Variants in COL23A1 observed in about 807,000 individuals in gnomAD.
The protein encoded by COL23A1 is collagen type XXIII alpha 1 chain.
A neutral mutation model predicts 99.3 loss-of-function variants in COL23A1; 97 were observed. That is an observed-to-expected ratio of 0.98 (90% CI 0.83 to 1.16). The LOEUF (loss-of-function observed/expected upper bound fraction) is 1.16, where lower values mean the gene tolerates loss of function less well. Among genes scored for constraint, COL23A1 ranks in the 50% most tolerant of loss-of-function variants. The pLI is 0.00. For missense variants in COL23A1, 762 were observed against 757.4 expected, an observed-to-expected ratio of 1.01 and a Z score of -0.07; for synonymous variants, 320 against 308.2, an observed-to-expected ratio of 1.04 and a Z score of -0.40.
intron 2 of COL23A1, among the ~76,000 whole-genome samples, chr5:178,425,455 A>G (rs1229428740): frequency 2.0e-5 from 3 of 150,966 alleles, no homozygotes; most frequent in African/African-American, 7.3e-5. Context: ...ATAAATAAAT[A>G]AATAAATAAA....
chr5:178,327,012 C>T (rs1025249385), intron 2 of COL23A1, among the ~76,000 whole-genome samples: 4 of 152,218 alleles, frequency 2.6e-5, no homozygotes, highest in Admixed American at 2.0e-4. Flanking sequence ...GCCACTGCAC[C>T]GGGCCAAAAA....
intron 2 of COL23A1, among the ~76,000 whole-genome samples, chr5:178,398,070 A>G (rs1764244815): frequency 1.3e-5 from 2 of 152,230 alleles, no homozygotes; most frequent in African/African-American, 2.4e-5. Flanking sequence ...GACATCAACA[A>G]ATGGGGCTGG....
intron 19 of COL23A1, among the ~76,000 whole-genome samples, chr5:178,248,840 G>A (rs1388657666): frequency 1.3e-5 from 2 of 152,194 alleles, no homozygotes; most frequent in Non-Finnish European, 2.9e-5. Flanking sequence ...CAGAGCACGT[G>A]GCATAACCAC....
rs945812623 is a variant in COL23A1 at position 178,470,297 on chromosome 5, C to T, written c.361+90385G>A. Among the ~76,000 whole-genome samples, 20 of 152,232 alleles carry T rather than the reference C, an allele frequency of 1.3e-4. 1 individual carries two copies. Among genetic ancestry groups the T allele is most frequent in the Admixed American group, 7.8e-4 (12 of 15,290 alleles). ...GAGCTCTTGACTCCACCTGGCTCCACGCCCCCTGCCCCATGTCTTCCCTTA... is the reference window on the plus strand; with the variant it reads ...GAGCTCTTGACTCCACCTGGCTCCATGCCCCCTGCCCCATGTCTTCCCTTA... On this transcript the variant is annotated intron_variant, in intron 2 of 28. Transcript: ENST00000390654.
intron 2 of COL23A1, among the ~76,000 whole-genome samples, chr5:178,507,031 C>A (rs1196695759): frequency 6.6e-6 from 1 of 152,210 alleles, no homozygotes; most frequent in Non-Finnish European, 1.5e-5. Context: ...CGTTGCAAAG[C>A]CAGCTTATAA....
At chr5:178,338,596 C>T (rs1229539755) in intron 2 of COL23A1, among the ~76,000 whole-genome samples, 5 of 151,596 alleles carry the variant, frequency 3.3e-5, no homozygotes, top group Non-Finnish European at 7.4e-5. Flanking sequence ...TGGCCAGCAC[C>T]GGGAATGGGG....
rs1157483489 is a variant in COL23A1 at position 178,428,730 on chromosome 5, T to G, written c.362-121811A>C. 6.6e-6 allele frequency among the ~76,000 whole-genome samples: 1 copy of G among 152,246 alleles called. No homozygotes were observed. The highest frequency in any genetic ancestry group is 1.5e-5 in the Non-Finnish European group (1 of 68,042). On this transcript the variant is annotated intron_variant, in intron 2 of 28. Transcript: ENST00000390654. The surrounding 1 kb of genome is among the most constrained non-coding windows in gnomAD (Gnocchi z 5.0). ...CCAGGACATTGTCACTCTCTTGGCC[T>G]GTGATCATTCATTTCAGGGCCTCAT... is the stretch of plus-strand genomic sequence containing the variant.
At chr5:178,253,546 G>A (rs1765145664) in intron 16 of COL23A1, among the ~76,000 whole-genome samples, 4 of 151,720 alleles carry the variant, frequency 2.6e-5, no homozygotes, top group South Asian at 2.1e-4. Context: ...GCAGAGGTGC[G>A]ATCTCAGTTC....
At chr5:178,352,044 C>G (rs1761357104) in intron 2 of COL23A1, 1 of 152,232 alleles carries the variant, frequency 6.6e-6, no homozygotes, top group Admixed American at 6.5e-5. Context: ...TTGTTGAAAC[C>G]ACCCGGTCTG....
intron 2 of COL23A1, among the ~76,000 whole-genome samples, chr5:178,356,635 G>A (rs965151836): frequency 6.6e-6 from 1 of 152,170 alleles, no homozygotes; most frequent in African/African-American, 2.4e-5. Context: ...AAAAGGCAAA[G>A]GAAAGCAAAA....
intron 2 of COL23A1, among the ~76,000 whole-genome samples, chr5:178,419,820 C>T (rs1488764057): frequency 6.6e-6 from 1 of 152,240 alleles, no homozygotes; most frequent in East Asian, 1.9e-4. Context: ...CATCCTTCAA[C>T]CACTCATAGA....
chr5:178,322,250 C>G (rs1759366101), intron 2 of COL23A1, among the ~76,000 whole-genome samples: 2 of 152,162 alleles, frequency 1.3e-5, no homozygotes, highest in Admixed American at 1.3e-4. Flanking sequence ...CCTCAGCCTC[C>G]CAAAGTGCTG....
rs1414728999 is a variant in COL23A1, at chr5:178,468,653, C to T, written c.361+92029G>A. Among the ~76,000 whole-genome samples, 1 of 152,164 alleles carries T rather than the reference C, an allele frequency of 6.6e-6. No homozygotes were observed. The highest frequency in any genetic ancestry group is 1.5e-5 in the Non-Finnish European group (1 of 68,022). On this transcript the variant is annotated intron_variant, in intron 2 of 28. Coordinates refer to ENST00000390654, the MANE Select transcript of COL23A1 (RefSeq NM_173465.4). This position sits in a 1 kb window ranked among gnomAD's most constrained non-coding sequence, Gnocchi z 4.2. ...TGGAGGGAAGGGCCGGGTCCGAGGTCACGGAGCCTGCAGCTCTCCTCAACT... is the reference window on the plus strand; with the variant it reads ...TGGAGGGAAGGGCCGGGTCCGAGGTTACGGAGCCTGCAGCTCTCCTCAACT...
intron 17 of COL23A1, among the ~76,000 whole-genome samples, chr5:178,252,004 C>A (rs183248277): frequency 7.9e-5 from 12 of 151,526 alleles, no homozygotes; most frequent in African/African-American, 2.9e-4. Flanking sequence ...ACCTCTGCCT[C>A]CCAGGTTCAA....
chr5:178,538,179 C>G (rs903177980), intron 2 of COL23A1, among the ~76,000 whole-genome samples: 1 of 152,206 alleles, frequency 6.6e-6, no homozygotes, highest in Non-Finnish European at 1.5e-5. Context: ...CCTCCTCACA[C>G]AAGAGCCCCA....
At chr5:178,289,949 C>T (rs1001791354) in intron 4 of COL23A1, among the ~76,000 whole-genome samples, 1 of 152,128 alleles carries the variant, frequency 6.6e-6, no homozygotes, top group African/African-American at 2.4e-5. Flanking sequence ...GTGTTTGAGA[C>T]GGGGTCTCAT....
rs530490407 is a variant in COL23A1, at chr5:178,310,440, G to A, written c.362-3521C>T. On this transcript the variant is annotated intron_variant, in intron 2 of 28. Coordinates refer to ENST00000390654, the MANE Select transcript of COL23A1 (RefSeq NM_173465.4). The surrounding 1 kb of genome is among the most constrained non-coding windows in gnomAD (Gnocchi z 4.3). ...CTCCAGGACTCCCTGTGCCCGCCCC[G>A]CAGGCTCACCTTCTGCCTCGCCAGT... Among the ~76,000 whole-genome samples, 89 of 152,300 alleles carry A rather than the reference G, an allele frequency of 5.8e-4. No homozygotes were observed. The highest frequency in any genetic ancestry group is 2.1e-3 in the African/African-American group (86 of 41,566).
chr5:178,476,758 G>A (rs1182592988), intron 2 of COL23A1, among the ~76,000 whole-genome samples: 1 of 152,208 alleles, frequency 6.6e-6, no homozygotes, highest in Non-Finnish European at 1.5e-5. Context: ...ACAGTGCCAG[G>A]GCCCACTGGC....
intron 1 of COL23A1, among the ~76,000 whole-genome samples, chr5:178,577,106 GCCCCGGC>G (rs1236050285): frequency 6.6e-6 from 1 of 152,114 alleles, no homozygotes; most frequent in African/African-American, 2.4e-5. Flanking sequence ...GTGGGCCGAG[GCCCCGGC>G]GCTCCTCGCT....
Sources: gnomAD v4.1 joint callset for allele counts (sites outside exome capture counted in the v4.1 genomes callset) on GRCh38, gnomAD v4.1.1 for gene constraint, Gnocchi (gnomAD v3.1) non-coding constraint, MANE v1.5 for transcripts, NCBI Gene and HGNC (gene_info 2026-07-23, HGNC 2026-07-21) for gene names.